NOL4: variants seen among roughly 807,000 people sequenced by gnomAD.
The protein encoded by NOL4 is nucleolar protein 4, also known as cancer/testis antigen 125.
A neutral mutation model predicts 75.9 loss-of-function variants in NOL4; 17 were observed. The observed-to-expected ratio is 0.22, with a 90% CI of 0.15 to 0.34. NOL4 has a LOEUF of 0.34. Among genes scored for constraint, NOL4 ranks in the 10% least tolerant of loss-of-function variants. The pLI, the probability that NOL4 is intolerant of heterozygous loss-of-function variation, is 1.00. For missense variants in NOL4, 614 were observed against 793.5 expected (o/e 0.77, Z 2.72); for synonymous variants, 292 against 289.9 (o/e 1.01, Z -0.07).
At chr18:34,011,107 A>G (rs1189796228) in intron 6 of NOL4, among the ~76,000 whole-genome samples, 5 of 151,750 alleles carry the variant, frequency 3.3e-5, no homozygotes, top group Non-Finnish European at 7.4e-5. Context: ...TTACTGATAC[A>G]AATAAATGAT....
intron 5 of NOL4, among the ~76,000 whole-genome samples, chr18:34,050,415 G>T (rs1309340131): frequency 1.3e-5 from 2 of 151,994 alleles, no homozygotes; most frequent in Non-Finnish European, 2.9e-5. Flanking sequence ...AAAATGTGTT[G>T]AAATAATTTA....
At chr18:34,139,005 C>G (rs558953607) in intron 1 of NOL4, among the ~76,000 whole-genome samples, 27 of 152,258 alleles carry the variant, frequency 1.8e-4, no homozygotes, top group Middle Eastern at 3.4e-3. Flanking sequence ...GTTGAAGCAG[C>G]CTTGCATCCC....
At chr18:33,940,528 T>C (rs2068400054) in intron 9 of NOL4, among the ~76,000 whole-genome samples, 1 of 151,722 alleles carries the variant, frequency 6.6e-6, no homozygotes, top group Admixed American at 6.6e-5. Context: ...GGAGGGAACA[T>C]CACACACCGG....
intron 9 of NOL4, among the ~76,000 whole-genome samples, chr18:33,932,995 C>T (rs1373723807): frequency 6.6e-6 from 1 of 152,006 alleles, no homozygotes. Flanking sequence ...ATAAAGTATA[C>T]ATGTTACATA....
At chr18:34,078,506 A>G (rs929284979) in intron 5 of NOL4, among the ~76,000 whole-genome samples, 2 of 152,210 alleles carry the variant, frequency 1.3e-5, no homozygotes, top group Non-Finnish European at 2.9e-5. Flanking sequence ...CAACAGATCA[A>G]TTACTTCCCA....
chr18:33,963,716 A>C (rs886609822), intron 6 of NOL4, among the ~76,000 whole-genome samples: 1 of 152,144 alleles, frequency 6.6e-6, no homozygotes, highest in Non-Finnish European at 1.5e-5. Flanking sequence ...TCCCATGATA[A>C]AACGTGGCTT....
rs531723531 is a variant in NOL4 at position 34,107,082 on chromosome 18, C to T, written c.415-1922G>A. 4.6e-5 allele frequency among the ~76,000 whole-genome samples: 7 copies of T among 152,172 alleles called. No homozygotes were observed. In the South Asian group the frequency reaches 1.2e-3, roughly 27 times the overall value. Reference sequence around the variant, plus strand: ...GTTGGAGAGACACTCCATTGGCTTCCACGGTCCTGATACTTTCTGAAATCT... The same window carrying T: ...GTTGGAGAGACACTCCATTGGCTTCTACGGTCCTGATACTTTCTGAAATCT... On this transcript the variant is annotated intron_variant, in intron 2 of 10. Transcript: ENST00000261592.
In NOL4 at chr18:33,887,582, CT is replaced by C. The variant is rs549513162; in HGVS notation, c.1543-4159del. On this transcript the variant is annotated intron_variant, in intron 9 of 10. Coordinates refer to ENST00000261592, the MANE Select transcript of NOL4 (RefSeq NM_003787.5). The stretch of plus-strand genomic sequence containing the variant: ...CTATCCCTCCCCCAGCCCCCACCCC[CT>C]GACAGGCGCCAGTGTGTGATGTTCC... 6.6e-3 allele frequency among the ~76,000 whole-genome samples: 1,000 copies of C among 152,010 alleles called. 5 individuals carry two copies. Among genetic ancestry groups the C allele is most frequent in the Non-Finnish European group, 0.011 (740 of 67,956 alleles).
At chr18:34,029,338 C>G (rs566116734) in intron 5 of NOL4, among the ~76,000 whole-genome samples, 53 of 152,194 alleles carry the variant, frequency 3.5e-4, no homozygotes, top group Middle Eastern at 6.8e-3. Flanking sequence ...CCCTTGTGCC[C>G]TGATTTTTTG....
At chr18:33,985,675 G>A (rs1043174345) in intron 6 of NOL4, among the ~76,000 whole-genome samples, 4 of 152,052 alleles carry the variant, frequency 2.6e-5, no homozygotes, top group African/African-American at 9.7e-5. Flanking sequence ...TCACAATAGG[G>A]GTGAAATAAA....
intron 6 of NOL4, among the ~76,000 whole-genome samples, chr18:33,959,936 A>AGTGTGTGTGTGT (rs140614140): frequency 1.3e-5 from 2 of 148,826 alleles, no homozygotes; most frequent in African/African-American, 4.9e-5. Flanking sequence ...TTTCTTTCTA[A>AGTGTGTGTGTGT]GTGTGTGTGT....
intron 1 of NOL4, among the ~76,000 whole-genome samples, chr18:34,163,301 G>T (rs1017392832): frequency 6.6e-6 from 1 of 151,852 alleles, no homozygotes; most frequent in Non-Finnish European, 1.5e-5. Flanking sequence ...AAGTCAAATT[G>T]TCCCTGTTTG....
At chr18:33,884,532 G>C (rs2064518784) in intron 9 of NOL4, among the ~76,000 whole-genome samples, 2 of 151,718 alleles carry the variant, frequency 1.3e-5, no homozygotes, top group Non-Finnish European at 2.9e-5. Context: ...AATACAGATT[G>C]AATTCCCCTT....
intron 1 of NOL4, among the ~76,000 whole-genome samples, chr18:34,151,837 T>C (rs2081653229): frequency 1.3e-5 from 2 of 151,788 alleles, no homozygotes; most frequent in Admixed American, 1.3e-4. Flanking sequence ...TTGCTCAGTA[T>C]TGCTGTAAAC....
intron 1 of NOL4, among the ~76,000 whole-genome samples, chr18:34,214,602 T>C (rs188460974): frequency 1.3e-5 from 2 of 152,268 alleles, no homozygotes; most frequent in South Asian, 2.1e-4. Context: ...ATTATTATTA[T>C]TAGTAGGGAG....
chr18:33,916,050 T>C (rs2066703211), intron 9 of NOL4, among the ~76,000 whole-genome samples: 1 of 152,150 alleles, frequency 6.6e-6, no homozygotes, highest in Non-Finnish European at 1.5e-5. Flanking sequence ...CCCAAAGCTA[T>C]GGTCTAACAA....
intron 9 of NOL4, among the ~76,000 whole-genome samples, chr18:33,917,592 C>T (rs893190395): frequency 1.3e-5 from 2 of 151,998 alleles, no homozygotes; most frequent in Admixed American, 6.6e-5. Context: ...AATTCCTGGG[C>T]TTACTAATCC....
At chr18:33,862,800 G>T (rs899234892) in intron 10 of NOL4, among the ~76,000 whole-genome samples, 3 of 152,172 alleles carry the variant, frequency 2.0e-5, no homozygotes, top group African/African-American at 7.2e-5. Flanking sequence ...TGGAGAAATA[G>T]GAACACTTTT....
intron 1 of NOL4, among the ~76,000 whole-genome samples, chr18:34,173,234 A>G (rs2146279231): frequency 6.6e-6 from 1 of 152,228 alleles, no homozygotes; most frequent in South Asian, 2.1e-4. Flanking sequence ...AGTCATTTCC[A>G]GAGGCTGGAG....
Sources: allele counts gnomAD v4.1 joint callset (sites outside exome capture counted in the v4.1 genomes callset), GRCh38; gene constraint gnomAD v4.1.1; transcripts MANE v1.5; gene names NCBI Gene and HGNC (gene_info 2026-07-23, HGNC 2026-07-21).